Variants in ABCA3 observed in about 807,000 individuals in gnomAD.
ABCA3 encodes phospholipid-transporting ATPase ABCA3.
ABCA3 carries 88 observed loss-of-function variants against 172.8 expected under a neutral mutation model. The observed-to-expected ratio is 0.51, with a 90% CI of 0.43 to 0.61. ABCA3 has a LOEUF of 0.61. Ranked by LOEUF, ABCA3 falls within the 20% of genes least tolerant of loss-of-function variation. The pLI, the probability that ABCA3 is intolerant of heterozygous loss-of-function variation, is 0.00. For missense variants in ABCA3, 2,164 were observed against 2,301.0 expected, an observed-to-expected ratio of 0.94 and a Z score of 1.22; for synonymous variants, 1,066 against 983.8, an observed-to-expected ratio of 1.08 and a Z score of -1.56.
chr16:2,283,616 C>A lies in ABCA3; in HGVS notation c.3863-258G>T, dbSNP rs2093658436. The A allele has an allele frequency of 4.0e-6, 2 of 496,812 alleles. No homozygotes were observed. Among genetic ancestry groups the A allele is most frequent in the African/African-American group, 3.9e-5 (2 of 51,508 alleles). 30.8% of individuals were successfully genotyped at this position (496,812 alleles called of 1,614,324 possible). On this transcript the variant is annotated intron_variant, in intron 25 of 32. Transcript: ENST00000301732. This position sits in a 1 kb window ranked among gnomAD's most constrained non-coding sequence, Gnocchi z 5.4. Reference sequence around the variant, plus strand: ...GGGCAGCAACAGCCCGCCTGAGAGGCACAGGCTCTGCGTGAATCCTGGGCT... The same window carrying A: ...GGGCAGCAACAGCCCGCCTGAGAGGAACAGGCTCTGCGTGAATCCTGGGCT...
intron 10 of ABCA3, among the ~76,000 whole-genome samples, chr16:2,314,872 CTTTTTTTTTT>C (rs35616252): frequency 1.1e-5 from 1 of 93,472 alleles, no homozygotes; most frequent in African/African-American, 4.3e-5. Context: ...AGTGCCTGGT[CTTTTTTTTTT>C]TTTTTTTTTT....
At position 2,285,463 on chromosome 16, in the gene ABCA3, G is replaced by A. The variant is rs2093661548; in HGVS notation, c.3462C>T (p.Leu1154=). ...TCACCAGCAGCAGCAGACTGGGGAT[G>A]AGGAAGGAGATGAGGTCCCACAGCA... ...SALLWDLISF[L]IPSLLLLVVF... is the part of the protein sequence containing the mutation. Residue 1154 remains leucine (L), a synonymous_variant, in exon 23 of 33, where the codon CTC becomes CTT. Transcript: ENST00000301732. This position sits in a 1 kb window ranked among gnomAD's most constrained non-coding sequence, Gnocchi z 4.7. The A allele has an allele frequency of 6.2e-7, 1 of 1,611,208 alleles. No homozygotes were observed. The highest frequency in any genetic ancestry group is 1.1e-5 in the South Asian group (1 of 90,368).
chr16:2,288,128 C>G lies in ABCA3; in HGVS notation c.2902G>C (p.Val968Leu). The G allele has an allele frequency of 1.2e-6, 2 of 1,613,028 alleles. No individual in the cohort carries two copies. The highest frequency in any genetic ancestry group is 1.7e-6 in the Non-Finnish European group (2 of 1,179,622). ...GAGGTCCCGGGAACTGAGAAGGGCA[C>G]GACGGTTCTGCCGTACTCGCCCAAG... is the stretch of plus-strand genomic sequence containing the variant. ...LTLGEYGRTV[V>L]PFSVPGTSQL... The change falls in exon 21 of 33, where the codon GTG (valine) becomes CTG (leucine). Residue 968 changes from valine (V) to leucine (L), a missense_variant. Coordinates refer to ENST00000301732, the MANE Select transcript of ABCA3 (RefSeq NM_001089.3).
At chr16:2,307,826 C>T (rs569831412) in intron 11 of ABCA3, among the ~76,000 whole-genome samples, 18 of 152,158 alleles carry the variant, frequency 1.2e-4, no homozygotes, top group Middle Eastern at 3.4e-3. Flanking sequence ...AGGATGGTCT[C>T]GATCTCCTGA....
In ABCA3 at chr16:2,278,267, A is replaced by C. The variant is rs767755165; in HGVS notation, c.4718+21T>G. ...CCACCCGGTGCTGAAACTTCCAGTA[A>C]CCCACAGACCCAGGCTCTACCTGTG... On this transcript the variant is annotated intron_variant, in intron 30 of 32. Coordinates refer to ENST00000301732, the MANE Select transcript of ABCA3 (RefSeq NM_001089.3). This position sits in a 1 kb window ranked among gnomAD's most constrained non-coding sequence, Gnocchi z 4.4. 1.2e-6 allele frequency: 2 copies of C among 1,605,204 alleles called. No homozygotes were observed. Among genetic ancestry groups the C allele is most frequent in the Non-Finnish European group, 1.7e-6 (2 of 1,179,934 alleles).
At chr16:2,307,966 C>T (rs895600731) in intron 11 of ABCA3, among the ~76,000 whole-genome samples, 6 of 152,118 alleles carry the variant, frequency 3.9e-5, no homozygotes, top group African/African-American at 7.2e-5. Context: ...TGGTGGCTCA[C>T]GCCTGTAATC....
chr16:2,301,162 C>T (rs1186773504), intron 12 of ABCA3, among the ~76,000 whole-genome samples: 2 of 148,044 alleles, frequency 1.4e-5, no homozygotes, highest in Non-Finnish European at 3.0e-5. Context: ...ACCCGGGAGG[C>T]GGAGCTTGCA....
In ABCA3 at chr16:2,284,100, C is replaced by T. The variant is rs924174712; in HGVS notation, c.3862+179G>A. The T allele has an allele frequency of 6.0e-5, 42 of 699,546 alleles. No individual in the cohort carries two copies. The Admixed American group carries it at 1.2e-3, about 20-fold the overall frequency. 43.3% of individuals were successfully genotyped at this position (699,546 alleles called of 1,614,324 possible). ...GGAGAGTGGGAGCTCAGGTACAGGG[C>T]CTGGGAGCGAGCGGGCGCGAGGGGG... On this transcript the variant is annotated intron_variant, in intron 25 of 32. Coordinates refer to ENST00000301732, the MANE Select transcript of ABCA3 (RefSeq NM_001089.3). The surrounding 1 kb of genome is among the most constrained non-coding windows in gnomAD (Gnocchi z 5.9).
chr16:2,294,660 G>A (rs2093677121), intron 18 of ABCA3, among the ~76,000 whole-genome samples: 1 of 152,242 alleles, frequency 6.6e-6, no homozygotes, highest in East Asian at 1.9e-4. Context: ...ACTCCAGCCT[G>A]GGTGACAGAG....
rs1419938059 is a variant in ABCA3 at position 2,276,162 on chromosome 16, C to T, written c.*512G>A. On this transcript the variant is annotated 3_prime_UTR_variant, in exon 33 of 33. Coordinates refer to ENST00000301732, the MANE Select transcript of ABCA3 (RefSeq NM_001089.3). The stretch of plus-strand genomic sequence containing the variant: ...CCGGGCTGCGCTGGACGCTAAGACC[C>T]CAGCACCTAATCACAGTCAGCAGCT... 2.7e-6 allele frequency: 1 copy of T among 377,344 alleles called. No individual in the cohort carries two copies. The highest frequency in any genetic ancestry group is 5.4e-6 in the Non-Finnish European group (1 of 186,650). The allele number at this position is 377,344 out of a possible 1,614,324, so 23.4% of individuals were successfully genotyped here.
At chr16:2,326,324 G>A (rs992673507) in intron 4 of ABCA3, 50 bp from the exon 5 acceptor site, 13 of 1,611,240 alleles carry the variant, frequency 8.1e-6, no homozygotes, top group South Asian at 1.1e-5. Flanking sequence ...GCAGAAGCAG[G>A]GGCATGCAGA....
Position 2,279,008 on chromosome 16 carries a change from G to A in ABCA3, c.4482C>T (p.Cys1494=), listed in dbSNP as rs758260188. 15 of 1,613,426 alleles carry A rather than the reference G, an allele frequency of 9.3e-6. No homozygotes were observed. Among genetic ancestry groups the A allele is most frequent in the African/African-American group, 4.0e-5 (3 of 74,934 alleles). ...GCAGGCCCCGCAGAGTGTTCTCCAC[G>A]CAGGCCCCGATGTGGCGCTCAGGGA... ...RGIPERHIGA[C]VENTLRGLLL... is the part of the protein sequence containing the mutation. The change falls in exon 29 of 33, where the codon TGC becomes TGT. Residue 1494 remains cysteine (C), a synonymous_variant. Coordinates refer to ENST00000301732, the MANE Select transcript of ABCA3 (RefSeq NM_001089.3). This position sits in a 1 kb window ranked among gnomAD's most constrained non-coding sequence, Gnocchi z 4.4.
In ABCA3 at chr16:2,332,424, G is replaced by A. The variant is rs188222452; in HGVS notation, c.-538-2570C>T. 382 of 1,196,126 alleles carry A rather than the reference G, an allele frequency of 3.2e-4. 1 individual carries two copies. The highest frequency in any genetic ancestry group is 4.2e-4 in the Non-Finnish European group (346 of 814,456). The allele number at this position is 1,196,126 out of a possible 1,614,324, so 74.1% of individuals were successfully genotyped here. On this transcript the variant is annotated intron_variant, in intron 1 of 32. Coordinates refer to ENST00000301732, the MANE Select transcript of ABCA3 (RefSeq NM_001089.3). ...GGGTCCGGTCATACAGGATGAGGAT[G>A]TCTTTGATCTCCTTCTTGGAAGCCT...
At chr16:2,339,938 G>A (rs1406464811) in intron 1 of ABCA3, among the ~76,000 whole-genome samples, 1 of 152,246 alleles carries the variant, frequency 6.6e-6, no homozygotes, top group African/African-American at 2.4e-5. Flanking sequence ...CGCGGCCTCC[G>A]GCGACTGCCA....
intron 10 of ABCA3, among the ~76,000 whole-genome samples, chr16:2,313,919 G>T (rs987953375): frequency 6.6e-6 from 1 of 151,422 alleles, no homozygotes; most frequent in African/African-American, 2.4e-5. Flanking sequence ...ATTAACAGAC[G>T]TGAAAGACTG....
rs2093668705 is a variant in ABCA3, at chr16:2,289,611, C to T, written c.2523G>A (p.Lys841=). The change falls in exon 20 of 33, where the codon AAG becomes AAA. Residue 841 remains lysine, a synonymous_variant. Transcript: ENST00000301732. ...TMEEVFLRVG[K]LVDSSMDIQA... Reference sequence around the variant, plus strand: ...GGATGTCCATACTGCTGTCCACCAGCTTCCCGACCCTGTGCCGATACACAC... The same window carrying T: ...GGATGTCCATACTGCTGTCCACCAGTTTCCCGACCCTGTGCCGATACACAC... 9.0e-6 allele frequency: 14 copies of T among 1,550,178 alleles called. No homozygotes were observed. The East Asian group carries it at 3.4e-4, about 38-fold the overall frequency.
rs775387386 is a variant in ABCA3 at position 2,308,574 on chromosome 16, G to A, written c.1161C>T (p.Ile387=). The A allele has an allele frequency of 6.2e-7, 1 of 1,614,238 alleles. No individual in the cohort carries two copies. Among genetic ancestry groups the A allele is most frequent in the East Asian group, 2.2e-5 (1 of 44,882 alleles). ...ACCGAGGGGCCACGAAGAAGTAGGG[G>A]ATGTAGGTGAAGAAGTAGAGGAAGC... is the stretch of plus-strand genomic sequence containing the variant. ...FGGFLYFFTY[I]PYFFVAPRYN... Residue 387 remains isoleucine, a synonymous_variant, in exon 11 of 33, where the codon ATC becomes ATT. Coordinates refer to ENST00000301732, the MANE Select transcript of ABCA3 (RefSeq NM_001089.3).
chr16:2,277,449 A>G lies in ABCA3; in HGVS notation c.4983+148T>C. Reference sequence around the variant, plus strand: ...ATAATTTTGGATATAAAACCCCCAAACCAGCACGTATCAGGCTGAGTGTTA... The same window carrying G: ...ATAATTTTGGATATAAAACCCCCAAGCCAGCACGTATCAGGCTGAGTGTTA... On this transcript the variant is annotated intron_variant, in intron 32 of 32. Transcript: ENST00000301732. The surrounding 1 kb of genome is among the most constrained non-coding windows in gnomAD (Gnocchi z 5.3). 1.2e-6 allele frequency: 1 copy of G among 834,444 alleles called. No individual in the cohort carries two copies. The highest frequency in any genetic ancestry group is 1.9e-6 in the Non-Finnish European group (1 of 515,178). 51.7% of individuals were successfully genotyped at this position (834,444 alleles called of 1,614,324 possible). A position where few individuals can be genotyped will look rare whatever the true frequency, so the allele number is the denominator to read the frequency against.
At chr16:2,295,826 G>T in intron 17 of ABCA3, 86 bp from the exon 18 acceptor site, 1 of 1,586,190 alleles carries the variant, frequency 6.3e-7, no homozygotes. Context: ...GCTCACACCA[G>T]GCAAGCTGGT....
Sources: allele counts gnomAD v4.1 joint callset (sites outside exome capture counted in the v4.1 genomes callset), GRCh38; gene constraint gnomAD v4.1.1; non-coding constraint Gnocchi (gnomAD v3.1); transcripts MANE v1.5; gene names NCBI Gene and HGNC (gene_info 2026-07-23, HGNC 2026-07-21).